Variants in DSCAML1 observed in about 807,000 individuals in gnomAD.
DSCAML1 encodes the protein DS cell adhesion molecule like 1.
Under a neutral mutation model 200.5 loss-of-function variants are expected in DSCAML1, and 38 were observed. That is an observed-to-expected ratio of 0.19 (90% CI 0.15 to 0.25). The LOEUF (loss-of-function observed/expected upper bound fraction) is 0.25, where lower values mean the gene tolerates loss of function less well. Ranked by LOEUF, DSCAML1 falls within the 10% of genes least tolerant of loss-of-function variation. The pLI is 1.00. For synonymous variants in DSCAML1, 1,215 were observed against 1,165.0 expected, an observed-to-expected ratio of 1.04 and a Z score of -0.87; for missense variants, 2,223 against 2,858.8, an observed-to-expected ratio of 0.78 and a Z score of 5.07.
At chr11:117,623,211 CTTTTCT>C (rs2051973311) in intron 3 of DSCAML1, among the ~76,000 whole-genome samples, 1 of 101,998 alleles carries the variant, frequency 9.8e-6, no homozygotes, top group South Asian at 2.9e-4. Context: ...TTTTTCTTTT[CTTTTCT>C]TTTTTTTTTT....
intron 19 of DSCAML1, among the ~76,000 whole-genome samples, chr11:117,458,427 G>C (rs889297276): frequency 1.3e-5 from 2 of 152,178 alleles, no homozygotes; most frequent in African/African-American, 4.8e-5. Flanking sequence ...GAGGAAAGCA[G>C]GCTGAATCTT....
chr11:117,550,498 G>A (rs1694502533), intron 3 of DSCAML1, among the ~76,000 whole-genome samples: 1 of 152,192 alleles, frequency 6.6e-6, no homozygotes, highest in South Asian at 2.1e-4. Flanking sequence ...GCTGCCCATG[G>A]CCAGCTTTCA....
intron 3 of DSCAML1, among the ~76,000 whole-genome samples, chr11:117,648,276 G>T (rs1394556386): frequency 6.6e-6 from 1 of 152,226 alleles, no homozygotes; most frequent in African/African-American, 2.4e-5. Context: ...GGGAAGGGGT[G>T]AGGGTGGTGT....
intron 15 of DSCAML1, 122 bp downstream of exon 15, chr11:117,471,747 T>C (rs540659): frequency 0.51 from 558,657 of 1,096,302 alleles, 147,123 homozygotes; most frequent in African/African-American, 0.71. Flanking sequence ...TCTGTTAGGA[T>C]GCTTTTCCCC....
At chr11:117,525,834 T>C (rs907763210) in intron 4 of DSCAML1, among the ~76,000 whole-genome samples, 34 of 152,304 alleles carry the variant, frequency 2.2e-4, no homozygotes, top group African/African-American at 8.2e-4. Context: ...TCATGGTAAG[T>C]ATCTCTCTAG....
intron 3 of DSCAML1, among the ~76,000 whole-genome samples, chr11:117,605,150 T>A (rs1403373023): frequency 6.6e-6 from 1 of 152,124 alleles, no homozygotes; most frequent in Admixed American, 6.5e-5. Flanking sequence ...CACCTCATTC[T>A]CTGGAGTAGC....
chr11:117,780,272 G>GAAAC lies in DSCAML1; in HGVS notation c.364+220_364+221insGTTT, dbSNP rs1195878502. Among the ~76,000 whole-genome samples the GAAAC allele has an allele frequency of 2.1e-5, 2 of 94,444 alleles. No homozygotes were observed. Among genetic ancestry groups the GAAAC allele is most frequent in the Non-Finnish European group, 5.1e-5 (2 of 39,334 alleles). 62.0% of individuals were successfully genotyped at this position (94,444 alleles called of 152,430 possible). On this transcript the variant is annotated intron_variant, in intron 2 of 32. Coordinates refer to ENST00000651296, the MANE Select transcript of DSCAML1 (RefSeq NM_020693.4). This position sits in a 1 kb window ranked among gnomAD's most constrained non-coding sequence, Gnocchi z 4.8. ...AGAAAGAAAGAAAGAAAGAAAGAAAGAAAGAAAGAAAGAAAGAAAGAAAGA... is the reference window on the plus strand; with the variant it reads ...AGAAAGAAAGAAAGAAAGAAAGAAAGAAACAAAGAAAGAAAGAAAGAAAGAAAGA...
chr11:117,525,166 A>G, intron 4 of DSCAML1, 83 bp from the exon 5 acceptor site: 1 of 1,433,664 alleles, frequency 7.0e-7, no homozygotes, highest in Non-Finnish European at 9.1e-7. Context: ...AAGCACCCAG[A>G]CAGGAGCCTG....
chr11:117,508,812 C>T (rs1279143013), intron 8 of DSCAML1, among the ~76,000 whole-genome samples: 2 of 151,986 alleles, frequency 1.3e-5, no homozygotes, highest in Non-Finnish European at 2.9e-5. Context: ...GGGCCAAGCC[C>T]GGGCACAGAC....
chr11:117,521,882 C>G (rs1277466189), intron 5 of DSCAML1, among the ~76,000 whole-genome samples: 2 of 152,194 alleles, frequency 1.3e-5, no homozygotes, highest in African/African-American at 4.8e-5. Context: ...TGGCATTGCC[C>G]CACTGCAGGC....
chr11:117,623,307 C>T (rs541980420), intron 3 of DSCAML1, among the ~76,000 whole-genome samples: 2 of 144,872 alleles, frequency 1.4e-5, no homozygotes, highest in African/African-American at 5.1e-5. Flanking sequence ...ACCTCCACAT[C>T]TCAGGTTCAA....
intron 3 of DSCAML1, among the ~76,000 whole-genome samples, chr11:117,533,270 G>C (rs1240653520): frequency 6.6e-6 from 1 of 152,074 alleles, no homozygotes; most frequent in East Asian, 1.9e-4. Context: ...TTGCTCATTG[G>C]CTTTTACAAC....
At chr11:117,464,135 C>A (rs1012544350) in intron 17 of DSCAML1, among the ~76,000 whole-genome samples, 1 of 151,860 alleles carries the variant, frequency 6.6e-6, no homozygotes, top group Non-Finnish European at 1.5e-5. Context: ...TCTGTTGGGG[C>A]GGGGTGGGTA....
At chr11:117,584,874 G>A (rs2051112562) in intron 3 of DSCAML1, among the ~76,000 whole-genome samples, 1 of 152,202 alleles carries the variant, frequency 6.6e-6, no homozygotes, top group African/African-American at 2.4e-5. Flanking sequence ...TACCCACCTA[G>A]TTCACAGAGT....
chr11:117,434,159 G>A (rs1189607428), intron 27 of DSCAML1, among the ~76,000 whole-genome samples: 1 of 152,066 alleles, frequency 6.6e-6, no homozygotes, highest in Non-Finnish European at 1.5e-5. Flanking sequence ...CAATTGTCTG[G>A]CTATCCATTC....
chr11:117,686,645 GA>G lies in DSCAML1; in HGVS notation c.511+90145del, dbSNP rs532868865. 3.7e-4 allele frequency among the ~76,000 whole-genome samples: 56 copies of G among 152,328 alleles called. 1 individual carries two copies. In the South Asian group the frequency reaches 0.011, roughly 30 times the overall value. On this transcript the variant is annotated intron_variant, in intron 3 of 32. Transcript: ENST00000651296. ...GTGTAAATGACTACGGCACCTTCAAGAGTCCTTTCCGGTGGGCACCTGCATA... is the reference window on the plus strand; with the variant it reads ...GTGTAAATGACTACGGCACCTTCAAGGTCCTTTCCGGTGGGCACCTGCATA...
At position 117,660,377 on chromosome 11, in the gene DSCAML1, G is replaced by A. The variant is rs916962075; in HGVS notation, c.511+116414C>T. On this transcript the variant is annotated intron_variant, in intron 3 of 32. Coordinates refer to ENST00000651296, the MANE Select transcript of DSCAML1 (RefSeq NM_020693.4). ...TTCTGCCATAGTCCATATGTCTTTGGGCAAATGGCTTTCCCCATCTGGGCC... is the reference window on the plus strand; with the variant it reads ...TTCTGCCATAGTCCATATGTCTTTGAGCAAATGGCTTTCCCCATCTGGGCC... Among the ~76,000 whole-genome samples the A allele has an allele frequency of 2.6e-4, 39 of 152,188 alleles. 2 individuals are homozygous for A. The highest frequency in any genetic ancestry group is 2.6e-3 in the Admixed American group (39 of 15,272).
intron 3 of DSCAML1, among the ~76,000 whole-genome samples, chr11:117,748,055 CT>C (rs751311250): frequency 5.3e-5 from 8 of 152,206 alleles, no homozygotes; most frequent in Non-Finnish European, 1.2e-4. Flanking sequence ...CAGACCTGCT[CT>C]GCTATTTACA....
intron 3 of DSCAML1, among the ~76,000 whole-genome samples, chr11:117,647,779 A>T (rs2052546383): frequency 6.6e-6 from 1 of 152,192 alleles, no homozygotes; most frequent in Non-Finnish European, 1.5e-5. Flanking sequence ...AAGAAAGACC[A>T]AGAGGGAGTT....
Sources: gnomAD v4.1 joint callset for allele counts (sites outside exome capture counted in the v4.1 genomes callset) on GRCh38, gnomAD v4.1.1 for gene constraint, Gnocchi (gnomAD v3.1) non-coding constraint, MANE v1.5 for transcripts, NCBI Gene and HGNC (gene_info 2026-07-23, HGNC 2026-07-21) for gene names.